Variants in ARNT observed in about 807,000 individuals in gnomAD.
The protein encoded by ARNT is class E basic helix-loop-helix protein 2.
A neutral mutation model predicts 105.0 loss-of-function variants in ARNT; 30 were observed. The ratio of observed to expected loss-of-function variants is 0.29; its 90% CI spans 0.21 to 0.39. ARNT has a LOEUF of 0.39. Ranked by LOEUF, ARNT falls within the 10% of genes least tolerant of loss-of-function variation. ARNT has a pLI of 1.00. For synonymous variants in ARNT, 304 were observed against 344.0 expected, an observed-to-expected ratio of 0.88 and a Z score of 1.29; for missense variants, 748 against 978.7, an observed-to-expected ratio of 0.76 and a Z score of 3.15.
chr1:150,841,508 T>C (rs1661299241), intron 5 of ARNT, among the ~76,000 whole-genome samples: 2 of 152,062 alleles, frequency 1.3e-5, no homozygotes, highest in Non-Finnish European at 2.9e-5. Flanking sequence ...CGAGTTAAAC[T>C]GGCAGCAAAA....
chr1:150,862,551 T>C (rs1364340811), intron 1 of ARNT, among the ~76,000 whole-genome samples: 1 of 147,478 alleles, frequency 6.8e-6, no homozygotes, highest in African/African-American at 2.4e-5. Context: ...ATATGTTACT[T>C]TCCTAAGAAA....
chr1:150,821,379 G>A (rs1657026354), intron 14 of ARNT, among the ~76,000 whole-genome samples: 1 of 152,166 alleles, frequency 6.6e-6, no homozygotes, highest in Non-Finnish European at 1.5e-5. Flanking sequence ...AAATATGCAA[G>A]AACCATGAGA....
intron 14 of ARNT, among the ~76,000 whole-genome samples, chr1:150,819,297 A>G (rs1361229094): frequency 6.6e-6 from 1 of 152,084 alleles, no homozygotes; most frequent in Non-Finnish European, 1.5e-5. Context: ...ATGCAAAATG[A>G]TGGGGCAGCT....
intron 19 of ARNT, among the ~76,000 whole-genome samples, chr1:150,814,631 G>A (rs1048189428): frequency 2.6e-5 from 4 of 152,052 alleles, no homozygotes; most frequent in Non-Finnish European, 5.9e-5. Flanking sequence ...CACCTGAGGT[G>A]AGGAGTTCCA....
intron 1 of ARNT, among the ~76,000 whole-genome samples, chr1:150,874,018 T>A (rs368471057): frequency 5.0e-4 from 32 of 64,376 alleles, no homozygotes; most frequent in East Asian, 9.4e-4. Flanking sequence ...ACAAGAATTG[T>A]AAAAAAAAAA....
intron 17 of ARNT, 45 bp downstream of exon 17, chr1:150,817,037 G>A (rs367673581): frequency 1.9e-5 from 30 of 1,613,092 alleles, no homozygotes; most frequent in Middle Eastern, 1.7e-4. Context: ...CCATCAGTAA[G>A]TGATCTAAAT....
intron 2 of ARNT, among the ~76,000 whole-genome samples, chr1:150,856,200 G>A (rs1664575893): frequency 6.6e-6 from 1 of 152,178 alleles, no homozygotes; most frequent in African/African-American, 2.4e-5. Context: ...CGCACTTCGG[G>A]AGGCCAAGGC....
intron 1 of ARNT, 93 bp downstream of exon 1, chr1:150,876,450 C>G: frequency 6.6e-7 from 1 of 1,520,202 alleles, no homozygotes. Context: ...GCGCCTTCAG[C>G]TCCAGCTGCG....
At chr1:150,862,064 T>C (rs917501905) in intron 1 of ARNT, among the ~76,000 whole-genome samples, 2 of 152,200 alleles carry the variant, frequency 1.3e-5, no homozygotes, top group East Asian at 1.9e-4. Flanking sequence ...ACAGATGTAC[T>C]TATTCTGAAC....
At chr1:150,861,945 C>A (rs978825812) in intron 1 of ARNT, among the ~76,000 whole-genome samples, 2 of 152,136 alleles carry the variant, frequency 1.3e-5, no homozygotes, top group Non-Finnish European at 2.9e-5. Context: ...ATTCCACACA[C>A]ATTTAAGGTA....
chr1:150,872,993 G>A (rs1438687460), intron 1 of ARNT, among the ~76,000 whole-genome samples: 1 of 151,820 alleles, frequency 6.6e-6, no homozygotes, highest in Non-Finnish European at 1.5e-5. Context: ...CTCAAAACTT[G>A]TCTAGTCCGG....
chr1:150,809,733 A>T lies in ARNT; in HGVS notation c.*2288T>A. The T allele has an allele frequency of 4.8e-6, 1 of 207,402 alleles. No individual in the cohort carries two copies. Among genetic ancestry groups the T allele is most frequent in the Non-Finnish European group, 9.8e-6 (1 of 101,644 alleles). The allele number at this position is 207,402 out of a possible 1,614,324, so 12.8% of individuals were successfully genotyped here. A position where few individuals can be genotyped will look rare whatever the true frequency, so the allele number is the denominator to read the frequency against. ...AACAGTTTAAATTTCACTCATTTTA[A>T]TCCAGAAAAGGACATACTGGGGGAA... On this transcript the variant is annotated 3_prime_UTR_variant, in exon 22 of 22. Coordinates refer to ENST00000358595, the MANE Select transcript of ARNT (RefSeq NM_001668.4).
chr1:150,876,407 C>T, intron 1 of ARNT, 136 bp downstream of exon 1: 3 of 1,455,064 alleles, frequency 2.1e-6, no homozygotes, highest in Non-Finnish European at 2.8e-6. Flanking sequence ...TCACCGCTCC[C>T]CCACCGTCTC....
At chr1:150,857,095 G>A (rs1009849313) in intron 2 of ARNT, among the ~76,000 whole-genome samples, 6 of 152,118 alleles carry the variant, frequency 3.9e-5, no homozygotes, top group Admixed American at 6.6e-5. Flanking sequence ...CCAGAAATGT[G>A]GTATATATTC....
At chr1:150,863,905 T>C (rs1666094260) in intron 1 of ARNT, among the ~76,000 whole-genome samples, 1 of 152,146 alleles carries the variant, frequency 6.6e-6, no homozygotes. Flanking sequence ...AATACAGTTA[T>C]GTATCACTTA....
At chr1:150,836,210 A>G in intron 7 of ARNT, 70 bp downstream of exon 7, 1 of 1,485,072 alleles carries the variant, frequency 6.7e-7, no homozygotes. Context: ...AACAGCTAAA[A>G]CATCTCTTAA....
chr1:150,856,832 C>T (rs1484318648), intron 2 of ARNT, among the ~76,000 whole-genome samples: 2 of 149,944 alleles, frequency 1.3e-5, no homozygotes, highest in Non-Finnish European at 3.0e-5. Flanking sequence ...AAGTGGCTCA[C>T]GCCTGTAATC....
At chr1:150,865,005 T>C (rs1451502123) in intron 1 of ARNT, among the ~76,000 whole-genome samples, 1 of 150,884 alleles carries the variant, frequency 6.6e-6, no homozygotes. Flanking sequence ...GACAAACATA[T>C]AACTTTAAGT....
chr1:150,812,126 G>T lies in ARNT; in HGVS notation c.2281-16C>A, dbSNP rs777179058. On this transcript the variant is annotated splice_polypyrimidine_tract_variant and intron_variant, in intron 21 of 21. Coordinates refer to ENST00000358595, the MANE Select transcript of ARNT (RefSeq NM_001668.4). Reference sequence around the variant, plus strand: ...ACAGCATCTCCTGATAAAAGAAAAAGATTAAGTTTGGGTCACACACCTTGA... The same window carrying T: ...ACAGCATCTCCTGATAAAAGAAAAATATTAAGTTTGGGTCACACACCTTGA... 1.9e-6 allele frequency: 3 copies of T among 1,545,872 alleles called. No individual in the cohort carries two copies. The highest frequency in any genetic ancestry group is 2.6e-6 in the Non-Finnish European group (3 of 1,142,588).
Sources: allele counts gnomAD v4.1 joint callset (sites outside exome capture counted in the v4.1 genomes callset), GRCh38; gene constraint gnomAD v4.1.1; transcripts MANE v1.5; gene names NCBI Gene and HGNC (gene_info 2026-07-23, HGNC 2026-07-21).